FSTL4: variants seen among roughly 807,000 people sequenced by gnomAD.
FSTL4 encodes follistatin like 4.
FSTL4 carries 28 observed loss-of-function variants against 78.2 expected under a neutral mutation model. The ratio of observed to expected loss-of-function variants is 0.36; its 90% CI spans 0.27 to 0.49. FSTL4 has a LOEUF of 0.49. Among genes scored for constraint, FSTL4 ranks in the 20% least tolerant of loss-of-function variants. The probability of loss-of-function intolerance (pLI) is 0.98; values close to 1 mark genes in which losing one functional copy is unlikely to be tolerated. For synonymous variants in FSTL4, 422 were observed against 440.5 expected (o/e 0.96, Z 0.53); for missense variants, 922 against 1,084.9 (o/e 0.85, Z 2.11).
Position 133,536,059 on chromosome 5 carries a change from G to C in FSTL4, c.160+31127C>G, listed in dbSNP as rs564893916. Among the ~76,000 whole-genome samples the C allele has an allele frequency of 1.6e-4, 24 of 152,238 alleles. No individual in the cohort carries two copies. The South Asian group carries it at 2.5e-3, about 16-fold the overall frequency. On this transcript the variant is annotated intron_variant, in intron 3 of 15. Coordinates refer to ENST00000265342, the MANE Select transcript of FSTL4 (RefSeq NM_015082.2). ...CAGTAGATCCTCTGCAAATACACAC[G>C]GAATGGTGAATAAGCAAGTGAATGA...
chr5:133,621,897 T>TG, the FSTL4 span, among the ~76,000 whole-genome samples: 1 of 152,216 alleles, frequency 6.6e-6, no homozygotes, highest in Non-Finnish European at 1.5e-5. Context: ...GTGTACTCTT[T>TG]ACCCAGTTTC....
intron 3 of FSTL4, among the ~76,000 whole-genome samples, chr5:133,474,630 T>C (rs923113964): frequency 2.6e-5 from 4 of 152,132 alleles, no homozygotes; most frequent in African/African-American, 9.7e-5. Context: ...AGAGCCTTCA[T>C]TTTCTGCTTC....
At chr5:133,498,718 C>CAAAAAAAAAAAAAA (rs112128780) in intron 3 of FSTL4, among the ~76,000 whole-genome samples, 5 of 127,052 alleles carry the variant, frequency 3.9e-5, no homozygotes, top group African/African-American at 1.5e-4. Flanking sequence ...ACTCAGTCTC[C>CAAAAAAAAAAAAAA]AAAAAAAAAA....
the FSTL4 span, among the ~76,000 whole-genome samples, chr5:133,666,536 G>A: frequency 6.6e-6 from 1 of 151,042 alleles, no homozygotes; most frequent in Non-Finnish European, 1.5e-5. Context: ...CATGGTTAAA[G>A]GATATTTAAA....
At chr5:133,279,371 C>T (rs1316164617) in intron 6 of FSTL4, among the ~76,000 whole-genome samples, 1 of 152,194 alleles carries the variant, frequency 6.6e-6, no homozygotes, top group Non-Finnish European at 1.5e-5. Context: ...TGAGGCTGAA[C>T]AGTTTTGTCC....
At chr5:133,380,807 A>G (rs1392681635) in intron 4 of FSTL4, among the ~76,000 whole-genome samples, 3 of 144,962 alleles carry the variant, frequency 2.1e-5, no homozygotes, top group Non-Finnish European at 4.6e-5. Context: ...AATATATAAA[A>G]TATATATCAT....
intron 6 of FSTL4, among the ~76,000 whole-genome samples, chr5:133,281,107 T>C (rs1752998659): frequency 6.6e-6 from 1 of 152,316 alleles, no homozygotes; most frequent in Middle Eastern, 3.4e-3. Flanking sequence ...CACCGGTCCC[T>C]GTGTCTGGGA....
chr5:133,780,575 G>A, the FSTL4 span, among the ~76,000 whole-genome samples: 1 of 152,194 alleles, frequency 6.6e-6, no homozygotes, highest in African/African-American at 2.4e-5. Context: ...CCAGCACTTA[G>A]CACAGAAGAC....
chr5:133,753,009 G>A, the FSTL4 span, among the ~76,000 whole-genome samples: 3 of 152,114 alleles, frequency 2.0e-5, no homozygotes, highest in Non-Finnish European at 2.9e-5. Flanking sequence ...AAGTATAATG[G>A]TTGTTATGAA....
chr5:133,748,263 G>A, the FSTL4 span, among the ~76,000 whole-genome samples: 4 of 151,644 alleles, frequency 2.6e-5, no homozygotes, highest in East Asian at 2.0e-4. Context: ...TTGTGAAGTC[G>A]CTGGGAGGAA....
Position 133,421,508 on chromosome 5 carries a change from G to GA in FSTL4, c.161-20523_161-20522insT, listed in dbSNP as rs1170995551. ...CGACAGCTGAGCATATGGGATAAGAGTTTCCCCATTCGCTGAGCTCTTCGC... is the reference window on the plus strand; with the variant it reads ...CGACAGCTGAGCATATGGGATAAGAGATTTCCCCATTCGCTGAGCTCTTCGC... On this transcript the variant is annotated intron_variant, in intron 3 of 15. Transcript: ENST00000265342. Among the ~76,000 whole-genome samples, 41 of 141,750 alleles carry GA rather than the reference G, an allele frequency of 2.9e-4. No homozygotes were observed. In the East Asian group the frequency reaches 8.2e-3, roughly 28 times the overall value. 93.0% of individuals were successfully genotyped at this position (141,750 alleles called of 152,430 possible). A position where few individuals can be genotyped will look rare whatever the true frequency, so the allele number is the denominator to read the frequency against.
intron 3 of FSTL4, among the ~76,000 whole-genome samples, chr5:133,530,160 C>T (rs1759221793): frequency 6.6e-6 from 1 of 152,128 alleles, no homozygotes; most frequent in Admixed American, 6.5e-5. Context: ...TGGAGACACC[C>T]TGGGGTGCTG....
the FSTL4 span, among the ~76,000 whole-genome samples, chr5:133,658,214 G>A: frequency 6.6e-6 from 1 of 152,088 alleles, no homozygotes; most frequent in Non-Finnish European, 1.5e-5. Context: ...TATGTTCATA[G>A]GAAATTGACC....
chr5:133,798,950 AAGGG>A, the FSTL4 span, among the ~76,000 whole-genome samples: 14 of 81,564 alleles, frequency 1.7e-4, 3 homozygotes, highest in African/African-American at 6.1e-4. Flanking sequence ...GAGGATAAGG[AAGGG>A]AGGGAGGGAG....
intron 4 of FSTL4, among the ~76,000 whole-genome samples, chr5:133,354,921 G>A (rs1754910495): frequency 6.6e-6 from 1 of 152,252 alleles, no homozygotes; most frequent in African/African-American, 2.4e-5. Flanking sequence ...CCTGGGCCTA[G>A]GCCTGCTCTG....
chr5:133,837,954 C>G, the FSTL4 span, among the ~76,000 whole-genome samples: 1 of 152,102 alleles, frequency 6.6e-6, no homozygotes, highest in East Asian at 1.9e-4. Context: ...ATGGCACAAT[C>G]TCGGCTCACT....
At chr5:133,488,506 G>A (rs1461996205) in intron 3 of FSTL4, among the ~76,000 whole-genome samples, 6 of 152,206 alleles carry the variant, frequency 3.9e-5, no homozygotes, top group East Asian at 1.9e-4. Flanking sequence ...TGCCCACCGC[G>A]GCCTCCCAAA....
chr5:133,700,675 C>T, the FSTL4 span, among the ~76,000 whole-genome samples: 2 of 152,232 alleles, frequency 1.3e-5, no homozygotes, highest in African/African-American at 2.4e-5. Context: ...AGAGGTGAAC[C>T]CAGGCAGCTC....
At chr5:133,696,465 T>A in the FSTL4 span, among the ~76,000 whole-genome samples, 1 of 152,174 alleles carries the variant, frequency 6.6e-6, no homozygotes, top group African/African-American at 2.4e-5. Flanking sequence ...CCCTGCCTGA[T>A]CTCCCTGTCC....
Sources: allele counts gnomAD v4.1 joint callset (sites outside exome capture counted in the v4.1 genomes callset), GRCh38; gene constraint gnomAD v4.1.1; transcripts MANE v1.5; gene names NCBI Gene and HGNC (gene_info 2026-07-23, HGNC 2026-07-21).